AP3M1: variants seen among roughly 807,000 people sequenced by gnomAD.
AP3M1 encodes the protein adaptor related protein complex 3 subunit mu 1, also known as AP-3 complex subunit mu-1.
In AP3M1, 29 loss-of-function variants were observed where a neutral mutation model predicts 42.6. That is an observed-to-expected ratio of 0.68 (90% CI 0.51 to 0.93). AP3M1 has a LOEUF of 0.93. Ranked by LOEUF, AP3M1 falls within the 40% of genes least tolerant of loss-of-function variation. The pLI is 0.00. For missense variants in AP3M1, 416 were observed against 510.2 expected, an observed-to-expected ratio of 0.82 and a Z score of 1.78; for synonymous variants, 178 against 175.3, an observed-to-expected ratio of 1.02 and a Z score of -0.12.
chr10:74,133,976 T>C (rs1840864772), intron 4 of AP3M1, 51 bp downstream of exon 4: 1 of 1,602,448 alleles, frequency 6.2e-7, no homozygotes, highest in Non-Finnish European at 8.5e-7. Flanking sequence ...TCTATTCATC[T>C]GTGTCAGATG....
At chr10:74,141,069 C>A (rs1841130736) in intron 1 of AP3M1, among the ~76,000 whole-genome samples, 2 of 152,086 alleles carry the variant, frequency 1.3e-5, no homozygotes, top group Non-Finnish European at 2.9e-5. Flanking sequence ...ATCAAGAAAG[C>A]AAAAATTCAC....
At chr10:74,131,235 T>C (rs1400682352) in intron 4 of AP3M1, among the ~76,000 whole-genome samples, 1 of 151,972 alleles carries the variant, frequency 6.6e-6, no homozygotes, top group Non-Finnish European at 1.5e-5. Context: ...TGGCGCTATC[T>C]GGGCTCACTG....
At chr10:74,137,772 T>C (rs191872418) in intron 2 of AP3M1, among the ~76,000 whole-genome samples, 123 of 152,370 alleles carry the variant, frequency 8.1e-4, no homozygotes, top group Admixed American at 1.3e-3. Context: ...CTATTTGTTA[T>C]ACTGTATTGT....
intron 6 of AP3M1, among the ~76,000 whole-genome samples, chr10:74,128,100 TAAAA>T (rs754897677): frequency 5.8e-5 from 4 of 68,436 alleles, no homozygotes; most frequent in African/African-American, 2.6e-4. Flanking sequence ...AACTCCGGCT[TAAAA>T]AAAAAAAAAA....
chr10:74,132,770 A>C (rs936947417), intron 4 of AP3M1, among the ~76,000 whole-genome samples: 4 of 152,166 alleles, frequency 2.6e-5, no homozygotes, highest in African/African-American at 7.2e-5. Flanking sequence ...GAAGTACTGC[A>C]CATAATGTAG....
Position 74,122,154 on chromosome 10 carries a change from A to G in AP3M1, c.*1656T>C, listed in dbSNP as rs758238153. 6.6e-6 allele frequency: 1 copy of G among 152,228 alleles called. No homozygotes were observed. The highest frequency in any genetic ancestry group is 1.5e-5 in the Non-Finnish European group (1 of 68,040). 9.4% of individuals were successfully genotyped at this position (152,228 alleles called of 1,614,324 possible). A position where few individuals can be genotyped will look rare whatever the true frequency, so the allele number is the denominator to read the frequency against. ...CATTTTGACTTTAACTGCCAATCTG[A>G]GATTAGTTTCTTCAGAAATTTGGAA... is the stretch of plus-strand genomic sequence containing the variant. On this transcript the variant is annotated 3_prime_UTR_variant, in exon 9 of 9. Transcript: ENST00000355264.
intron 1 of AP3M1, among the ~76,000 whole-genome samples, chr10:74,145,072 G>A (rs11000892): frequency 0.019 from 2,943 of 152,282 alleles, 45 homozygotes; most frequent in Non-Finnish European, 0.026. Flanking sequence ...TAGAGTGGAA[G>A]TTATATTTAA....
Position 74,121,551 on chromosome 10 carries a change from C to T in AP3M1, c.*2259G>A, listed in dbSNP as rs1258458511. 1 of 152,204 alleles carries T rather than the reference C, an allele frequency of 6.6e-6. No individual in the cohort carries two copies. Among genetic ancestry groups the T allele is most frequent in the Non-Finnish European group, 1.5e-5 (1 of 68,036 alleles). 9.4% of individuals were successfully genotyped at this position (152,204 alleles called of 1,614,324 possible). A position where few individuals can be genotyped will look rare whatever the true frequency, so the allele number is the denominator to read the frequency against. Reference sequence around the variant, plus strand: ...AAGGGAGCTTTGATCACTAATCTCTCAGACTGTGGCCAGAATGGTGATGCT... The same window carrying T: ...AAGGGAGCTTTGATCACTAATCTCTTAGACTGTGGCCAGAATGGTGATGCT... On this transcript the variant is annotated 3_prime_UTR_variant, in exon 9 of 9. Transcript: ENST00000355264.
chr10:74,148,641 G>T (rs1052964227), intron 1 of AP3M1, among the ~76,000 whole-genome samples: 4 of 151,936 alleles, frequency 2.6e-5, no homozygotes, highest in African/African-American at 9.7e-5. Context: ...TGAACTCCTG[G>T]GCTCAAGTGA....
Position 74,144,811 on chromosome 10 carries a change from C to T in AP3M1, c.-4+5944G>A, listed in dbSNP as rs1019077113. Among the ~76,000 whole-genome samples the T allele has an allele frequency of 6.6e-5, 10 of 151,574 alleles. No homozygotes were observed. The East Asian group carries it at 7.8e-4, about 12-fold the overall frequency. On this transcript the variant is annotated intron_variant, in intron 1 of 8. Transcript: ENST00000355264. ...CCGAGTAGCTAGGATTACAGGCATG[C>T]GCCACCATGCCCAGCTAATTTTTTG... is the stretch of plus-strand genomic sequence containing the variant.
intron 4 of AP3M1, among the ~76,000 whole-genome samples, chr10:74,131,184 G>A (rs1840770079): frequency 6.6e-6 from 1 of 150,994 alleles, no homozygotes; most frequent in South Asian, 2.1e-4. Context: ...TTTTTTTTGA[G>A]ACGGAGTCTT....
chr10:74,123,713 A>G lies in AP3M1; in HGVS notation c.*97T>C. 1.1e-6 allele frequency: 1 copy of G among 909,910 alleles called. No individual in the cohort carries two copies. The highest frequency in any genetic ancestry group is 1.8e-6 in the Non-Finnish European group (1 of 553,198). The allele number at this position is 909,910 out of a possible 1,614,324, so 56.4% of individuals were successfully genotyped here. A position where few individuals can be genotyped will look rare whatever the true frequency, so the allele number is the denominator to read the frequency against. On this transcript the variant is annotated 3_prime_UTR_variant, in exon 9 of 9. Transcript: ENST00000355264. ...GTGTGTAGCTAGACACAAATGCTTT[A>G]ACTAGAATATGTATTCCCACTCACT...
chr10:74,146,182 A>G (rs1378171680), intron 1 of AP3M1, among the ~76,000 whole-genome samples: 1 of 152,206 alleles, frequency 6.6e-6, no homozygotes, highest in Non-Finnish European at 1.5e-5. Flanking sequence ...CAAGACAAAT[A>G]AATCCAGTAT....
Position 74,138,317 on chromosome 10 carries a change from C to T in AP3M1, c.63G>A (p.Lys21=), listed in dbSNP as rs7087029. ...SGDIFLEKHW[K]SVVSQSVCDY... ...CACAGACAGACTGGCTCACAACGCT[C>T]TTCCAGTGCTTCTCTAGAAATATGT... The change falls in exon 2 of 9, where the codon AAG becomes AAA. Residue 21 remains lysine (K), a synonymous_variant. Coordinates refer to ENST00000355264, the MANE Select transcript of AP3M1 (RefSeq NM_012095.6). 1 of 1,614,154 alleles carries T rather than the reference C, an allele frequency of 6.2e-7. No individual in the cohort carries two copies. The highest frequency in any genetic ancestry group is 8.5e-7 in the Non-Finnish European group (1 of 1,180,010).
In AP3M1 at chr10:74,124,004, A is replaced by G. The variant is rs186844031; in HGVS notation, c.1157-94T>C. Reference sequence around the variant, plus strand: ...CTATATGGTAAATCTGACATTAACCAGTGTCCCTTCCACCATTTGGAAGAA... The same window carrying G: ...CTATATGGTAAATCTGACATTAACCGGTGTCCCTTCCACCATTTGGAAGAA... On this transcript the variant is annotated intron_variant, in intron 8 of 8. Coordinates refer to ENST00000355264, the MANE Select transcript of AP3M1 (RefSeq NM_012095.6). 245 of 1,066,852 alleles carry G rather than the reference A, an allele frequency of 2.3e-4. 1 individual carries two copies. The African/African-American group carries it at 3.5e-3, about 15-fold the overall frequency. The allele number at this position is 1,066,852 out of a possible 1,614,324, so 66.1% of individuals were successfully genotyped here.
chr10:74,133,178 T>C (rs958009183), intron 4 of AP3M1, among the ~76,000 whole-genome samples: 3 of 152,110 alleles, frequency 2.0e-5, no homozygotes, highest in African/African-American at 7.2e-5. Flanking sequence ...GCAGATCACC[T>C]AAGTTCAGGA....
intron 1 of AP3M1, among the ~76,000 whole-genome samples, chr10:74,140,365 T>G (rs1302479566): frequency 6.6e-6 from 1 of 152,270 alleles, no homozygotes. Context: ...CTACATACCT[T>G]TGCAAGCCCT....
intron 6 of AP3M1, among the ~76,000 whole-genome samples, chr10:74,126,566 G>A (rs1363594036): frequency 6.6e-6 from 1 of 152,076 alleles, no homozygotes; most frequent in Non-Finnish European, 1.5e-5. Context: ...TCACAAAATT[G>A]GCCAGGCGTG....
chr10:74,130,002 G>GAA lies in AP3M1; in HGVS notation c.584-12_584-11dup. ...GCAAAGACTGTAGATCCTGAAGAAA[G>GAA]AAAAAAAAAAGGAAGATAACATCAA... On this transcript the variant is annotated splice_polypyrimidine_tract_variant and intron_variant, in intron 4 of 8. Coordinates refer to ENST00000355264, the MANE Select transcript of AP3M1 (RefSeq NM_012095.6). 6.9e-7 allele frequency: 1 copy of GAA among 1,445,504 alleles called. No individual in the cohort carries two copies. Among genetic ancestry groups the GAA allele is most frequent in the Non-Finnish European group, 9.6e-7 (1 of 1,038,550 alleles). The allele number at this position is 1,445,504 out of a possible 1,614,324, so 89.5% of individuals were successfully genotyped here. A position where few individuals can be genotyped will look rare whatever the true frequency, so the allele number is the denominator to read the frequency against.
Sources: allele counts gnomAD v4.1 joint callset (sites outside exome capture counted in the v4.1 genomes callset), GRCh38; gene constraint gnomAD v4.1.1; transcripts MANE v1.5; gene names NCBI Gene and HGNC (gene_info 2026-07-23, HGNC 2026-07-21).